FAT3: variants seen among roughly 807,000 people sequenced by gnomAD.
FAT3 encodes protocadherin Fat 3.
A neutral mutation model predicts 310.2 loss-of-function variants in FAT3; 95 were observed. That is an observed-to-expected ratio of 0.31 (90% CI 0.26 to 0.36). The LOEUF (loss-of-function observed/expected upper bound fraction) is 0.36, where lower values mean the gene tolerates loss of function less well. Among genes scored for constraint, FAT3 ranks in the 10% least tolerant of loss-of-function variants. The probability of loss-of-function intolerance (pLI) is 1.00; values close to 1 mark genes in which losing one functional copy is unlikely to be tolerated. For synonymous variants in FAT3, 2,314 were observed against 2,192.9 expected (o/e 1.06, Z -1.54); for missense variants, 5,408 against 5,715.6 (o/e 0.95, Z 1.74).
At chr11:92,866,189 T>G (rs1949241914) in intron 21 of FAT3, among the ~76,000 whole-genome samples, 1 of 152,230 alleles carries the variant, frequency 6.6e-6, no homozygotes, top group South Asian at 2.1e-4. Context: ...CTCATATAAA[T>G]GTATTCAAGG....
intron 7 of FAT3, among the ~76,000 whole-genome samples, chr11:92,779,571 T>C (rs1176544637): frequency 6.6e-6 from 1 of 152,058 alleles, no homozygotes; most frequent in Non-Finnish European, 1.5e-5. Flanking sequence ...TCCTCAAAAA[T>C]AAAATCATTT....
intron 1 of FAT3, among the ~76,000 whole-genome samples, chr11:92,261,852 CA>C (rs1865568729): frequency 6.6e-6 from 1 of 152,000 alleles, no homozygotes; most frequent in South Asian, 2.1e-4. Context: ...GGCATTTTAC[CA>C]TTCTTTTTTA....
At chr11:92,511,552 T>C (rs1031857551) in intron 2 of FAT3, among the ~76,000 whole-genome samples, 1 of 152,106 alleles carries the variant, frequency 6.6e-6, no homozygotes, top group African/African-American at 2.4e-5. Flanking sequence ...GAAAAGCAAA[T>C]CAAAATGTTT....
rs369658964 is a variant in FAT3 at position 92,287,354 on chromosome 11, T to C, written c.-18+62180T>C. On this transcript the variant is annotated intron_variant, in intron 1 of 27. Transcript: ENST00000525166. ...AAGTGGTGTTTAAAAATCTACATAC[T>C]TAGGTGGTTTGGAGTGAAAACCTGC... Among the ~76,000 whole-genome samples, 75 of 152,264 alleles carry C rather than the reference T, an allele frequency of 4.9e-4. 2 individuals are homozygous for C. In the South Asian group the frequency reaches 0.015, roughly 30 times the overall value.
At chr11:92,842,912 A>G (rs1299618016) in intron 18 of FAT3, among the ~76,000 whole-genome samples, 1 of 152,192 alleles carries the variant, frequency 6.6e-6, no homozygotes, top group African/African-American at 2.4e-5. Flanking sequence ...ACAAATAAAA[A>G]TAACAATCAC....
intron 3 of FAT3, among the ~76,000 whole-genome samples, chr11:92,653,609 C>A (rs994661980): frequency 1.3e-5 from 2 of 152,262 alleles, no homozygotes; most frequent in Non-Finnish European, 2.9e-5. Flanking sequence ...CAATTGGTTG[C>A]TCTAGCAGTA....
At chr11:92,871,333 C>G (rs1949386035) in intron 22 of FAT3, among the ~76,000 whole-genome samples, 2 of 152,156 alleles carry the variant, frequency 1.3e-5, no homozygotes, top group South Asian at 4.1e-4. Flanking sequence ...CCTTGCTACT[C>G]AAAGTGTTCC....
intron 1 of FAT3, among the ~76,000 whole-genome samples, chr11:92,348,618 A>C (rs1948476931): frequency 6.6e-6 from 1 of 152,176 alleles, no homozygotes. Context: ...ACAGCTCTAA[A>C]ATTTTAATGT....
intron 3 of FAT3, among the ~76,000 whole-genome samples, chr11:92,679,841 CAAAAAAAAAAA>C (rs71064721): frequency 3.5e-5 from 2 of 57,252 alleles, no homozygotes; most frequent in Non-Finnish European, 6.6e-5. Flanking sequence ...GACTCCATCT[CAAAAAAAAAAA>C]AAAAAAAAAA....
At chr11:92,525,328 C>T (rs1202633682) in intron 3 of FAT3, among the ~76,000 whole-genome samples, 1 of 152,202 alleles carries the variant, frequency 6.6e-6, no homozygotes. Context: ...CTAGACACTT[C>T]TCCCTTGCTG....
intron 1 of FAT3, among the ~76,000 whole-genome samples, chr11:92,247,900 T>A (rs1591003913): frequency 6.6e-6 from 1 of 151,980 alleles, no homozygotes; most frequent in African/African-American, 2.4e-5. Context: ...GTCCAGGAGT[T>A]TGAGGCTGTA....
chr11:92,725,584 T>G (rs576165107), intron 4 of FAT3, among the ~76,000 whole-genome samples: 9 of 149,348 alleles, frequency 6.0e-5, no homozygotes, highest in African/African-American at 9.8e-5. Context: ...ACTTAGGAAG[T>G]TTTTTTTTTA....
In FAT3 at chr11:92,395,870, C is replaced by T. The variant is rs139085595; in HGVS notation, c.3292+40466C>T. Among the ~76,000 whole-genome samples, 606 of 152,234 alleles carry T rather than the reference C, an allele frequency of 4.0e-3. 8 individuals are homozygous for T. Among genetic ancestry groups the T allele is most frequent in the African/African-American group, 0.014 (581 of 41,548 alleles). Reference sequence around the variant, plus strand: ...CTGGGATTACAGGCATCAGCCACCACGCCCGGCCCAGTGTCACCATTTTTG... The same window carrying T: ...CTGGGATTACAGGCATCAGCCACCATGCCCGGCCCAGTGTCACCATTTTTG... On this transcript the variant is annotated intron_variant, in intron 2 of 27. Transcript: ENST00000525166.
At chr11:92,870,554 CA>C (rs1224292599) in intron 22 of FAT3, among the ~76,000 whole-genome samples, 14 of 152,114 alleles carry the variant, frequency 9.2e-5, no homozygotes, top group Non-Finnish European at 1.9e-4. Context: ...GTGATCCCTG[CA>C]TTTCCAGATG....
chr11:92,574,886 T>C (rs1938388010), intron 3 of FAT3, among the ~76,000 whole-genome samples: 1 of 152,156 alleles, frequency 6.6e-6, no homozygotes, highest in Non-Finnish European at 1.5e-5. Flanking sequence ...ATCTGCACTT[T>C]GCACATAAGC....
chr11:92,460,859 T>C (rs1951620621), intron 2 of FAT3, among the ~76,000 whole-genome samples: 2 of 152,154 alleles, frequency 1.3e-5, no homozygotes. Context: ...TCTCCTTGAA[T>C]AGGGGAGGCA....
chr11:92,500,918 C>G (rs1323433345), intron 2 of FAT3, among the ~76,000 whole-genome samples: 1 of 152,054 alleles, frequency 6.6e-6, no homozygotes. Flanking sequence ...AGCATACAGT[C>G]TGGCAATCAT....
chr11:92,626,351 T>C (rs1328398550), intron 3 of FAT3, among the ~76,000 whole-genome samples: 1 of 152,202 alleles, frequency 6.6e-6, no homozygotes, highest in Non-Finnish European at 1.5e-5. Flanking sequence ...GATAACCACC[T>C]GGGACTTTTT....
intron 2 of FAT3, among the ~76,000 whole-genome samples, chr11:92,488,477 C>T (rs575383004): frequency 3.0e-5 from 4 of 133,448 alleles, no homozygotes. Context: ...CCAACCAGCC[C>T]TGAGTTTCTT....
Sources: gnomAD v4.1 joint callset for allele counts (sites outside exome capture counted in the v4.1 genomes callset) on GRCh38, gnomAD v4.1.1 for gene constraint, MANE v1.5 for transcripts, NCBI Gene and HGNC (gene_info 2026-07-23, HGNC 2026-07-21) for gene names.